The following JMJD1C variants were observed in gnomAD, a reference collection of about 807,000 sequenced individuals.
JMJD1C encodes the protein jumonji domain-containing protein 1C.
JMJD1C carries 31 observed loss-of-function variants against 245.3 expected under a neutral mutation model. The ratio of observed to expected loss-of-function variants is 0.13; its 90% CI spans 0.09 to 0.17. JMJD1C has a LOEUF of 0.17. JMJD1C is among the 10% of genes least tolerant of loss of function. The pLI, the probability that JMJD1C is intolerant of heterozygous loss-of-function variation, is 1.00. For synonymous variants in JMJD1C, 1,057 were observed against 1,017.4 expected, an observed-to-expected ratio of 1.04 and a Z score of -0.74; for missense variants, 2,691 against 3,000.2, an observed-to-expected ratio of 0.90 and a Z score of 2.41.
At chr10:63,331,545 G>A (rs1288090907) in intron 2 of JMJD1C, among the ~76,000 whole-genome samples, 4 of 152,116 alleles carry the variant, frequency 2.6e-5, no homozygotes, top group Admixed American at 2.6e-4. Flanking sequence ...ACACAAAACT[G>A]TTCGCCTCCA....
chr10:63,214,222 T>A lies in JMJD1C; in HGVS notation c.1945A>T (p.Ile649Leu), dbSNP rs1417720263. Residue 649 changes from isoleucine (I) to leucine (L), a missense_variant, in exon 8 of 26, where the codon ATA becomes TTA. Ile to Leu is a conservative substitution (Grantham distance 5). This residue lies in a region of JMJD1C where 1,562 missense variants were observed against 1,490.7 expected (regional missense o/e 1.05). Coordinates refer to ENST00000399262, the MANE Select transcript of JMJD1C (RefSeq NM_032776.3). ...SPSPEVVKPK[I>L]THSPDSVKSK... is the part of the protein sequence containing the mutation. The stretch of plus-strand genomic sequence containing the variant: ...TTTACAGAATCAGGAGAATGAGTTA[T>A]TTTGGGTTTAACAACTTCAGGTGAT... The A allele has an allele frequency of 1.2e-6, 2 of 1,614,016 alleles. No homozygotes were observed. The highest frequency in any genetic ancestry group is 1.7e-5 in the Admixed American group (1 of 60,026).
Position 63,213,614 on chromosome 10 carries a change from A to G in JMJD1C, c.2553T>C (p.Ser851=), listed in dbSNP as rs770880655. The G allele has an allele frequency of 1.2e-5, 19 of 1,614,082 alleles. No individual in the cohort carries two copies. The South Asian group carries it at 1.2e-4, about 10-fold the overall frequency. Reference sequence around the variant, plus strand: ...AAAGTCCAAGCTGATTATATGAAGCAGAAGGATGGGCTTGTCCAAGAAGAT... The same window carrying G: ...AAAGTCCAAGCTGATTATATGAAGCGGAAGGATGGGCTTGTCCAAGAAGAT... The part of the protein sequence containing the change: ...SPHLLGQAHP[S]ASYNQLGLYP... The change falls in exon 8 of 26, where the codon TCT becomes TCC. Residue 851 remains serine, a synonymous_variant. Transcript: ENST00000399262.
intron 17 of JMJD1C, among the ~76,000 whole-genome samples, chr10:63,189,795 C>T (rs1469570556): frequency 1.3e-5 from 2 of 151,974 alleles, no homozygotes. Flanking sequence ...AGGCTGGTTT[C>T]AAACTCCTGG....
intron 1 of JMJD1C, among the ~76,000 whole-genome samples, chr10:63,403,080 C>A (rs1354647944): frequency 1.3e-5 from 2 of 152,244 alleles, no homozygotes; most frequent in South Asian, 4.1e-4. Flanking sequence ...AAAACTGAGA[C>A]GGACAGACCA....
Position 63,208,013 on chromosome 10 carries a change from C to G in JMJD1C, c.3656G>C (p.Arg1219Thr). Reference protein sequence around the residue: ...FHPPIHHSLERKEGSYSSLSP... With the variant: ...FHPPIHHSLETKEGSYSSLSP... ...AAGACTACTATAGCTGCCTTCCTTT[C>G]TTTCCAGGCTGTGATGGATTGGTGG... Residue 1219 changes from arginine to threonine, a missense_variant, in exon 10 of 26, where the codon AGA becomes ACA. By Grantham distance (71) the Arg-to-Thr change is moderately conservative (BLOSUM62 -1). This residue lies in a region of JMJD1C where 1,562 missense variants were observed against 1,490.7 expected (regional missense o/e 1.05). Transcript: ENST00000399262. 1 of 1,614,188 alleles carries G rather than the reference C, an allele frequency of 6.2e-7. No individual in the cohort carries two copies. Among genetic ancestry groups the G allele is most frequent in the Non-Finnish European group, 8.5e-7 (1 of 1,180,010 alleles).
At position 63,213,698 on chromosome 10, in the gene JMJD1C, C is replaced by A; in HGVS notation, c.2469G>T (p.Leu823Phe). Residue 823 changes from leucine to phenylalanine, a missense_variant, in exon 8 of 26, where the codon TTG becomes TTT. Leu to Phe is a conservative substitution (Grantham distance 22). This residue lies in a region of JMJD1C where 1,562 missense variants were observed against 1,490.7 expected (regional missense o/e 1.05). Coordinates refer to ENST00000399262, the MANE Select transcript of JMJD1C (RefSeq NM_032776.3). ...PRLESAHASS[L>F]SHLALAHQQQ... ...GCTGGTGTGCTAGCGCTAAGTGGCTCAAGCTGCTGGCATGAGCACTCTCTA... is the reference window on the plus strand; with the variant it reads ...GCTGGTGTGCTAGCGCTAAGTGGCTAAAGCTGCTGGCATGAGCACTCTCTA... 2 of 1,614,184 alleles carry A rather than the reference C, an allele frequency of 1.2e-6. No homozygotes were observed. Among genetic ancestry groups the A allele is most frequent in the Non-Finnish European group, 1.7e-6 (2 of 1,180,028 alleles).
intron 1 of JMJD1C, among the ~76,000 whole-genome samples, chr10:63,477,884 T>A (rs1400832794): frequency 6.6e-6 from 1 of 151,642 alleles, no homozygotes; most frequent in Non-Finnish European, 1.5e-5. Flanking sequence ...AACTCAATAA[T>A]AAAAAAAACA....
intron 2 of JMJD1C, among the ~76,000 whole-genome samples, chr10:63,302,432 A>C (rs1157008049): frequency 1.3e-5 from 2 of 152,206 alleles, no homozygotes; most frequent in African/African-American, 4.8e-5. Context: ...ACGTGTTCAA[A>C]ACATTTGATC....
intron 1 of JMJD1C, among the ~76,000 whole-genome samples, chr10:63,431,496 T>C (rs1489383580): frequency 3.3e-5 from 5 of 152,218 alleles, no homozygotes; most frequent in Admixed American, 2.6e-4. Context: ...CTACTCCTGC[T>C]TTCTTACCAA....
chr10:63,265,332 G>A (rs1487540133), intron 2 of JMJD1C, among the ~76,000 whole-genome samples: 2 of 151,432 alleles, frequency 1.3e-5, no homozygotes, highest in East Asian at 3.9e-4. Context: ...TGGAGGAAGG[G>A]AGTAGAGAGA....
intron 8 of JMJD1C, among the ~76,000 whole-genome samples, chr10:63,210,312 CA>C (rs1261766558): frequency 4.6e-5 from 7 of 152,064 alleles, no homozygotes; most frequent in Non-Finnish European, 7.4e-5. Context: ...ATTGTTTCTT[CA>C]CTTTTGGTCA....
chr10:63,387,628 A>ATT (rs1564863555), intron 1 of JMJD1C, among the ~76,000 whole-genome samples: 18 of 18,524 alleles, frequency 9.7e-4, no homozygotes, highest in African/African-American at 1.7e-3. Context: ...AGAAAAAAAA[A>ATT]ATTTTTTTTT....
At chr10:63,190,257 T>C (rs1306563937) in intron 17 of JMJD1C, among the ~76,000 whole-genome samples, 4 of 151,974 alleles carry the variant, frequency 2.6e-5, no homozygotes, top group Admixed American at 1.3e-4. Flanking sequence ...CAGGCTGGAG[T>C]GTAGTGGCGT....
rs151315571 is a variant in JMJD1C, at chr10:63,390,497, G to T, written c.169-10015C>A. 5.9e-5 allele frequency among the ~76,000 whole-genome samples: 9 copies of T among 152,250 alleles called. No homozygotes were observed. The East Asian group carries it at 1.7e-3, about 29-fold the overall frequency. ...CCTCAAACTAGTCCAAAAAACTGAA[G>T]AGGAGGGAATTCTTCCTAATTTATT... is the stretch of plus-strand genomic sequence containing the variant. On this transcript the variant is annotated intron_variant, in intron 1 of 25. Transcript: ENST00000399262.
At chr10:63,380,128 G>A in intron 2 of JMJD1C, 190 bp downstream of exon 2, 13 of 428,794 alleles carry the variant, frequency 3.0e-5, no homozygotes, top group South Asian at 9.1e-5. Context: ...TTTTTTGGTA[G>A]AGATGGGGTC....
chr10:63,230,897 A>G (rs2133386551), intron 3 of JMJD1C, among the ~76,000 whole-genome samples: 1 of 152,336 alleles, frequency 6.6e-6, no homozygotes, highest in Admixed American at 6.5e-5. Context: ...TGTTATTTCA[A>G]AATATTTCTA....
chr10:63,235,846 TTTTCAATAACTTACCTACATTATTA>T (rs1295065083), intron 3 of JMJD1C, among the ~76,000 whole-genome samples: 1 of 152,134 alleles, frequency 6.6e-6, no homozygotes, highest in African/African-American at 2.4e-5. Flanking sequence ...CTCTGCTAGG[TTTTCAATAACTTACCTACATTATTA>T]GGAATATGGT....
At chr10:63,284,475 TG>T (rs1008947471) in intron 2 of JMJD1C, among the ~76,000 whole-genome samples, 8 of 152,210 alleles carry the variant, frequency 5.3e-5, no homozygotes, top group African/African-American at 1.9e-4. Context: ...CTAGAACCAG[TG>T]GTTCTCAAAG....
intron 1 of JMJD1C, among the ~76,000 whole-genome samples, chr10:63,458,224 C>A (rs774179821): frequency 8.5e-5 from 13 of 152,100 alleles, no homozygotes; most frequent in Non-Finnish European, 1.6e-4. Flanking sequence ...ATGGCTCACA[C>A]CTCTAATCCC....
Sources: allele counts gnomAD v4.1 joint callset (sites outside exome capture counted in the v4.1 genomes callset), GRCh38; gene constraint gnomAD v4.1.1; regional missense constraint gnomAD v4.1.1; transcripts MANE v1.5; gene names NCBI Gene and HGNC (gene_info 2026-07-23, HGNC 2026-07-21).